The following ADAMTS12 variants were observed in gnomAD, a reference collection of about 807,000 sequenced individuals.
ADAMTS12 encodes A disintegrin and metalloproteinase with thrombospondin motifs 12.
In ADAMTS12, 118 loss-of-function variants were observed where a neutral mutation model predicts 167.8. That is an observed-to-expected ratio of 0.70 (90% CI 0.61 to 0.82). The LOEUF is 0.82. Among genes scored for constraint, ADAMTS12 ranks in the 40% least tolerant of loss-of-function variants. The pLI is 0.00. For missense variants in ADAMTS12, 1,916 were observed against 1,998.8 expected, an observed-to-expected ratio of 0.96 and a Z score of 0.79; for synonymous variants, 704 against 716.9, an observed-to-expected ratio of 0.98 and a Z score of 0.29.
rs1291853194 is a variant in ADAMTS12, at chr5:33,527,313, C to G, written c.4660G>C (p.Ala1554Pro). 12 of 1,614,114 alleles carry G rather than the reference C, an allele frequency of 7.4e-6. No homozygotes were observed. Among genetic ancestry groups the G allele is most frequent in the Non-Finnish European group, 1.0e-5 (12 of 1,180,014 alleles). ...GTGGGCACAGAACATTTCTTCATGG[C>G]TTTCAGTGTCTGGCAGAAACTGGCT... is the stretch of plus-strand genomic sequence containing the variant. ...LSASFCQTLK[A>P]MKKCSVPTVR... Residue 1554 changes from alanine (A) to proline (P), a missense_variant, in exon 24 of 24, where the codon GCC becomes CCC. Ala to Pro is a conservative substitution (Grantham distance 27). Coordinates refer to ENST00000504830, the MANE Select transcript of ADAMTS12 (RefSeq NM_030955.4).
At chr5:33,573,659 G>A (rs1327220190) in intron 19 of ADAMTS12, among the ~76,000 whole-genome samples, 2 of 152,086 alleles carry the variant, frequency 1.3e-5, no homozygotes, top group African/African-American at 4.8e-5. Flanking sequence ...GAAAACCTAG[G>A]CATTACCATT....
At chr5:33,860,793 G>T (rs539345822) in intron 2 of ADAMTS12, among the ~76,000 whole-genome samples, 2 of 152,080 alleles carry the variant, frequency 1.3e-5, no homozygotes, top group African/African-American at 4.8e-5. Context: ...AGAAAGGTCC[G>T]GTTACCCACA....
chr5:33,627,035 ATGG>A (rs1250592595), intron 13 of ADAMTS12, among the ~76,000 whole-genome samples: 4 of 139,074 alleles, frequency 2.9e-5, no homozygotes, highest in South Asian at 2.5e-4. Context: ...TGATTTGATG[ATGG>A]TGGTGGTGGT....
intron 17 of ADAMTS12, among the ~76,000 whole-genome samples, chr5:33,592,185 C>T (rs1044704195): frequency 1.4e-4 from 21 of 151,906 alleles, no homozygotes; most frequent in Admixed American, 1.1e-3. Context: ...GCCGAGATTG[C>T]GCCATTGCAC....
At chr5:33,728,731 G>A (rs1744071522) in intron 3 of ADAMTS12, among the ~76,000 whole-genome samples, 1 of 152,212 alleles carries the variant, frequency 6.6e-6, no homozygotes, top group South Asian at 2.1e-4. Flanking sequence ...ACTGTGTGTA[G>A]GAAAGGGGAA....
chr5:33,602,515 G>T (rs1243582655), intron 16 of ADAMTS12, among the ~76,000 whole-genome samples: 1 of 152,086 alleles, frequency 6.6e-6, no homozygotes, highest in African/African-American at 2.4e-5. Context: ...TCTGAACTTG[G>T]TTGATCCTAC....
At chr5:33,775,202 C>G (rs1248976973) in intron 2 of ADAMTS12, among the ~76,000 whole-genome samples, 2 of 152,156 alleles carry the variant, frequency 1.3e-5, no homozygotes, top group Admixed American at 6.5e-5. Context: ...ACGTTCACCC[C>G]TTATCTTAGG....
At chr5:33,849,832 A>G (rs756648371) in intron 2 of ADAMTS12, among the ~76,000 whole-genome samples, 2 of 150,826 alleles carry the variant, frequency 1.3e-5, no homozygotes, top group Non-Finnish European at 3.0e-5. Context: ...GTATCAATAT[A>G]TATGTATTGC....
At chr5:33,627,054 G>C (rs1739679375) in intron 13 of ADAMTS12, among the ~76,000 whole-genome samples, 1 of 148,980 alleles carries the variant, frequency 6.7e-6, no homozygotes. Context: ...GTGGTGATGT[G>C]GTAATGGTGG....
intron 2 of ADAMTS12, among the ~76,000 whole-genome samples, chr5:33,751,984 C>T (rs1385678963): frequency 1.3e-5 from 2 of 152,338 alleles, no homozygotes; most frequent in East Asian, 3.9e-4. Flanking sequence ...GGTAGCCCAG[C>T]CACATGTTCA....
At chr5:33,578,268 T>C (rs1746862866) in intron 18 of ADAMTS12, among the ~76,000 whole-genome samples, 1 of 152,184 alleles carries the variant, frequency 6.6e-6, no homozygotes, top group Non-Finnish European at 1.5e-5. Flanking sequence ...TTATTCTGTG[T>C]GATATACATG....
chr5:33,807,391 A>T (rs1747277083), intron 2 of ADAMTS12, among the ~76,000 whole-genome samples: 1 of 152,228 alleles, frequency 6.6e-6, no homozygotes, highest in Non-Finnish European at 1.5e-5. Flanking sequence ...TTTTAGCTTC[A>T]TCATTTACTA....
At chr5:33,544,739 C>T (rs552584362) in intron 22 of ADAMTS12, among the ~76,000 whole-genome samples, 203 of 152,190 alleles carry the variant, frequency 1.3e-3, no homozygotes, top group Admixed American at 2.8e-3. Context: ...TTTGACAAAC[C>T]CGACAAAAAC....
At chr5:33,880,479 C>T (rs2111772126) in intron 2 of ADAMTS12, among the ~76,000 whole-genome samples, 1 of 152,364 alleles carries the variant, frequency 6.6e-6, no homozygotes, top group Admixed American at 6.5e-5. Context: ...CATAGACAAT[C>T]TGTAAACACA....
chr5:33,793,869 A>G (rs1188595758), intron 2 of ADAMTS12, among the ~76,000 whole-genome samples: 4 of 152,080 alleles, frequency 2.6e-5, no homozygotes, highest in Admixed American at 2.6e-4. Context: ...AAAGGGCTTT[A>G]GTTCTTCCCC....
At chr5:33,784,928 T>C (rs1275269420) in intron 2 of ADAMTS12, among the ~76,000 whole-genome samples, 4 of 152,214 alleles carry the variant, frequency 2.6e-5, no homozygotes, top group South Asian at 4.1e-4. Flanking sequence ...TCAAAACTTA[T>C]TGTAAAGTTA....
intron 7 of ADAMTS12, among the ~76,000 whole-genome samples, chr5:33,655,841 T>A (rs1009595135): frequency 6.6e-6 from 1 of 151,922 alleles, no homozygotes; most frequent in Non-Finnish European, 1.5e-5. Context: ...CAGTGTGTGA[T>A]GTTCCCCTCC....
At chr5:33,579,971 G>A (rs1746975562) in intron 18 of ADAMTS12, among the ~76,000 whole-genome samples, 2 of 152,194 alleles carry the variant, frequency 1.3e-5, no homozygotes, top group African/African-American at 2.4e-5. Flanking sequence ...GGTGAGGTAG[G>A]TGCAGGCACA....
At chr5:33,645,299 A>AC (rs1303357188) in intron 9 of ADAMTS12, among the ~76,000 whole-genome samples, 5 of 151,776 alleles carry the variant, frequency 3.3e-5, no homozygotes, top group Admixed American at 2.6e-4. Flanking sequence ...ATTTCCACAC[A>AC]CCCCCCACTT....
Sources: gnomAD v4.1 joint callset for allele counts (sites outside exome capture counted in the v4.1 genomes callset) on GRCh38, gnomAD v4.1.1 for gene constraint, MANE v1.5 for transcripts, NCBI Gene and HGNC (gene_info 2026-07-23, HGNC 2026-07-21) for gene names.